The following TANGO6 variants were observed in gnomAD, a reference collection of about 807,000 sequenced individuals.
TANGO6 encodes the protein transport and golgi organization 6 homolog.
A neutral mutation model predicts 114.2 loss-of-function variants in TANGO6; 90 were observed. That is an observed-to-expected ratio of 0.79 (90% confidence interval 0.66 to 0.94). The LOEUF (loss-of-function observed/expected upper bound fraction) is 0.94, where lower values mean the gene tolerates loss of function less well. TANGO6 is among the 40% of genes least tolerant of loss of function. The probability of loss-of-function intolerance (pLI) is 0.00; values close to 1 mark genes in which losing one functional copy is unlikely to be tolerated. For missense variants in TANGO6, 1,274 were observed against 1,315.3 expected (o/e 0.97, Z 0.49); for synonymous variants, 477 against 509.8 (o/e 0.94, Z 0.87).
At chr16:68,929,709 T>C (rs1354799666) in intron 13 of TANGO6, among the ~76,000 whole-genome samples, 1 of 152,202 alleles carries the variant, frequency 6.6e-6, no homozygotes, top group Non-Finnish European at 1.5e-5. Context: ...ATTTTGAGAG[T>C]AATTTGTTAC....
intron 4 of TANGO6, among the ~76,000 whole-genome samples, chr16:68,872,903 ATG>A (rs1394322652): frequency 6.6e-6 from 1 of 151,336 alleles, no homozygotes; most frequent in African/African-American, 2.4e-5. Context: ...GGGTTTCACC[ATG>A]TTGGCCCGGC....
chr16:68,957,726 T>C (rs984937475), intron 14 of TANGO6, among the ~76,000 whole-genome samples: 8 of 151,978 alleles, frequency 5.3e-5, no homozygotes, highest in African/African-American at 1.9e-4. Flanking sequence ...GTTGGAATTG[T>C]CACATAGAAA....
chr16:68,974,456 G>A (rs1407971034), intron 15 of TANGO6, among the ~76,000 whole-genome samples: 1 of 152,136 alleles, frequency 6.6e-6, no homozygotes, highest in African/African-American at 2.4e-5. Context: ...GAGGTCAGGA[G>A]TTCAAGACCA....
In TANGO6 at chr16:68,927,772, G is replaced by C. The variant is rs1440735074; in HGVS notation, c.2332G>C (p.Glu778Gln). The C allele has an allele frequency of 1.2e-6, 2 of 1,613,818 alleles. No individual in the cohort carries two copies. The highest frequency in any genetic ancestry group is 2.7e-5 in the African/African-American group (2 of 74,912). ...AAAAGATCTGGAAGGGAAAATAGAAGAGCAGCAACAAACCAGTCATGAAAG... is the reference window on the plus strand; with the variant it reads ...AAAAGATCTGGAAGGGAAAATAGAACAGCAGCAACAAACCAGTCATGAAAG... ...NRKDLEGKIE[E>Q]QQQTSHERPT... Residue 778 changes from glutamate (E) to glutamine (Q), a missense_variant, in exon 13 of 18, where the codon GAG (glutamate) becomes CAG (glutamine). This residue lies in a region of TANGO6 where 908 missense variants were observed against 910.2 expected (regional missense o/e 1.00). Coordinates refer to ENST00000261778, the MANE Select transcript of TANGO6 (RefSeq NM_024562.2).
At chr16:68,899,140 G>T (rs968960113) in intron 7 of TANGO6, among the ~76,000 whole-genome samples, 1 of 151,978 alleles carries the variant, frequency 6.6e-6, no homozygotes, top group Non-Finnish European at 1.5e-5. Flanking sequence ...CATGCATGCT[G>T]GTGTGTGCCT....
intron 12 of TANGO6, among the ~76,000 whole-genome samples, chr16:68,927,215 T>C (rs1469927770): frequency 6.6e-6 from 1 of 152,218 alleles, no homozygotes; most frequent in Admixed American, 6.5e-5. Context: ...TCCCAGTTTC[T>C]TGAGTTCACA....
intron 1 of TANGO6, chr16:68,846,380 T>C (rs1961804403): frequency 4.8e-6 from 1 of 206,434 alleles, no homozygotes; most frequent in African/African-American, 2.4e-5. Flanking sequence ...TCTGTCATGA[T>C]AGGTTGTTTT....
At chr16:68,882,420 C>A (rs917976595) in intron 7 of TANGO6, among the ~76,000 whole-genome samples, 4 of 151,840 alleles carry the variant, frequency 2.6e-5, no homozygotes, top group African/African-American at 9.7e-5. Flanking sequence ...TGGCGTGAAC[C>A]TGGAAGGCAG....
At position 68,860,635 on chromosome 16, in the gene TANGO6, A is replaced by T. The variant is rs943363033; in HGVS notation, c.735+111A>T. 4 of 1,315,378 alleles carry T rather than the reference A, an allele frequency of 3.0e-6. No homozygotes were observed. In the African/African-American group the frequency reaches 5.9e-5, roughly 19 times the overall value. 81.5% of individuals were successfully genotyped at this position (1,315,378 alleles called of 1,614,324 possible). ...AACTCTTAGTTCTTCAGAACTGGAT[A>T]TGCCAAAGCATATCCAATGGATAAA... On this transcript the variant is annotated intron_variant, in intron 2 of 17. Coordinates refer to ENST00000261778, the MANE Select transcript of TANGO6 (RefSeq NM_024562.2).
At chr16:68,926,525 G>T (rs1567541610) in intron 12 of TANGO6, among the ~76,000 whole-genome samples, 1 of 151,706 alleles carries the variant, frequency 6.6e-6, no homozygotes, top group Non-Finnish European at 1.5e-5. Context: ...AAAATAAAAA[G>T]GATTTTTTTT....
intron 16 of TANGO6, among the ~76,000 whole-genome samples, chr16:69,032,172 G>A (rs1567562317): frequency 6.6e-6 from 1 of 152,140 alleles, no homozygotes; most frequent in Non-Finnish European, 1.5e-5. Context: ...GTGGAGCCTT[G>A]TGTGGACTTT....
At chr16:68,878,792 G>T (rs923135557) in intron 6 of TANGO6, among the ~76,000 whole-genome samples, 1 of 151,898 alleles carries the variant, frequency 6.6e-6, no homozygotes, top group African/African-American at 2.4e-5. Context: ...AAGAATCATG[G>T]CTGGGCGTGG....
chr16:68,951,014 G>A (rs986787080), intron 14 of TANGO6, among the ~76,000 whole-genome samples: 4 of 151,868 alleles, frequency 2.6e-5, no homozygotes, highest in African/African-American at 9.7e-5. Context: ...GAAAAGCAAA[G>A]GTAGGAAGAT....
chr16:68,938,803 A>G (rs907597246), intron 14 of TANGO6, among the ~76,000 whole-genome samples: 1 of 152,090 alleles, frequency 6.6e-6, no homozygotes, highest in East Asian at 1.9e-4. Flanking sequence ...TCTAGAGTCA[A>G]TTATCAAGTT....
chr16:69,015,464 T>TTTTATTTATTTATTCA (rs1555528106), intron 15 of TANGO6, among the ~76,000 whole-genome samples: 1 of 143,868 alleles, frequency 7.0e-6, no homozygotes, highest in Non-Finnish European at 1.5e-5. Context: ...GCTCATTTTA[T>TTTTATTTATTTATTCA]TTTATTTATT....
chr16:69,044,146 C>T (rs1213330830), intron 17 of TANGO6, among the ~76,000 whole-genome samples: 1 of 152,150 alleles, frequency 6.6e-6, no homozygotes, highest in Non-Finnish European at 1.5e-5. Flanking sequence ...CTTACTGCAA[C>T]CTCCACCTCC....
intron 14 of TANGO6, among the ~76,000 whole-genome samples, chr16:68,943,394 C>T (rs1372480291): frequency 2.1e-5 from 3 of 144,216 alleles, no homozygotes; most frequent in Non-Finnish European, 4.5e-5. Context: ...GACAGAGTCT[C>T]GCTCTGTCAC....
At chr16:68,941,015 G>A (rs1397056256) in intron 14 of TANGO6, among the ~76,000 whole-genome samples, 1 of 152,120 alleles carries the variant, frequency 6.6e-6, no homozygotes, top group Non-Finnish European at 1.5e-5. Flanking sequence ...TTACTATAAG[G>A]CTGGGAACCC....
chr16:69,037,297 C>T (rs1193208938), intron 16 of TANGO6, among the ~76,000 whole-genome samples: 1 of 152,098 alleles, frequency 6.6e-6, no homozygotes, highest in Non-Finnish European at 1.5e-5. Flanking sequence ...ACCCGCTCAG[C>T]AAAGAGAGGC....
Sources: gnomAD v4.1 joint callset for allele counts (sites outside exome capture counted in the v4.1 genomes callset) on GRCh38, gnomAD v4.1.1 for gene constraint, gnomAD v4.1.1 regional missense constraint, MANE v1.5 for transcripts, NCBI Gene and HGNC (gene_info 2026-07-23, HGNC 2026-07-21) for gene names.